The following RIC8B variants were observed in gnomAD, a reference collection of about 807,000 sequenced individuals.
RIC8B encodes the protein chaperone Ric-8B.
Under a neutral mutation model 57.5 loss-of-function variants are expected in RIC8B, and 16 were observed. That is an observed-to-expected ratio of 0.28 (90% CI 0.19 to 0.42). The LOEUF (loss-of-function observed/expected upper bound fraction) is 0.42, where lower values mean the gene tolerates loss of function less well. RIC8B is among the 10% of genes least tolerant of loss of function. The probability of loss-of-function intolerance (pLI) is 1.00; values close to 1 mark genes in which losing one functional copy is unlikely to be tolerated. For missense variants in RIC8B, 481 were observed against 677.0 expected, an observed-to-expected ratio of 0.71 and a Z score of 3.21; for synonymous variants, 216 against 250.8, an observed-to-expected ratio of 0.86 and a Z score of 1.31.
intron 9 of RIC8B, 141 bp downstream of exon 9, chr12:106,871,083 G>T: frequency 1.5e-6 from 1 of 673,752 alleles, no homozygotes; most frequent in Non-Finnish European, 2.3e-6. Context: ...CAGTAGTTCA[G>T]ATAGCTCTTG....
intron 3 of RIC8B, among the ~76,000 whole-genome samples, chr12:106,816,015 A>G (rs921079505): frequency 1.3e-5 from 2 of 152,222 alleles, no homozygotes; most frequent in Non-Finnish European, 2.9e-5. Context: ...AGTACCCACA[A>G]GAACAATATG....
chr12:106,807,069 A>G (rs1244699765), intron 2 of RIC8B, among the ~76,000 whole-genome samples: 1 of 152,162 alleles, frequency 6.6e-6, no homozygotes, highest in East Asian at 1.9e-4. Flanking sequence ...CACAAATAGT[A>G]AGTCCTGTCA....
chr12:106,860,385 C>G lies in RIC8B; in HGVS notation c.1424C>G (p.Thr475Ser). 6.3e-7 allele frequency: 1 copy of G among 1,582,404 alleles called. No homozygotes were observed. Among genetic ancestry groups the G allele is most frequent in the Non-Finnish European group, 8.6e-7 (1 of 1,165,976 alleles). ...NWYSEDEDTDTEEYKNAKPNI... is the reference protein window; with the variant it reads ...NWYSEDEDTDSEEYKNAKPNI... ...TACTCAGAGGATGAGGACACAGACA[C>G]TGAAGAATACAAAAATGCAAAACCA... The change falls in exon 8 of 10, where the codon ACT (threonine) becomes AGT (serine). Residue 475 changes from threonine (T) to serine (S), a missense_variant. Around this residue, in one of 3 missense-constraint regions of RIC8B, gnomAD observed 43 missense variants for 99.8 expected, o/e 0.43. Coordinates refer to ENST00000392837, the MANE Select transcript of RIC8B (RefSeq NM_001330145.2).
intron 2 of RIC8B, among the ~76,000 whole-genome samples, chr12:106,791,884 A>G (rs915842361): frequency 6.6e-6 from 1 of 152,264 alleles, no homozygotes; most frequent in Non-Finnish European, 1.5e-5. Context: ...ATGCTTTGGA[A>G]TAGCTTGAGG....
At chr12:106,839,596 G>A (rs2046774691) in intron 4 of RIC8B, among the ~76,000 whole-genome samples, 1 of 152,310 alleles carries the variant, frequency 6.6e-6, no homozygotes, top group South Asian at 2.1e-4. Context: ...TGCAAGATAA[G>A]GTCTGGAGAT....
chr12:106,836,487 C>T (rs1289300737), intron 4 of RIC8B, among the ~76,000 whole-genome samples: 2 of 152,180 alleles, frequency 1.3e-5, no homozygotes, highest in Non-Finnish European at 2.9e-5. Context: ...AAAGCTTCTT[C>T]TCTTGCAGTG....
intron 2 of RIC8B, among the ~76,000 whole-genome samples, chr12:106,807,155 G>A (rs1489743861): frequency 6.6e-6 from 1 of 152,178 alleles, no homozygotes; most frequent in African/African-American, 2.4e-5. Flanking sequence ...TTGAAACTAT[G>A]TTTGTTCCAG....
At chr12:106,841,627 T>C (rs1446448516) in intron 4 of RIC8B, among the ~76,000 whole-genome samples, 1 of 152,146 alleles carries the variant, frequency 6.6e-6, no homozygotes, top group Non-Finnish European at 1.5e-5. Flanking sequence ...AGTCAGGATG[T>C]GGTTATTTTT....
At chr12:106,795,056 G>T (rs1300277042) in intron 2 of RIC8B, among the ~76,000 whole-genome samples, 3 of 152,150 alleles carry the variant, frequency 2.0e-5, no homozygotes, top group African/African-American at 7.2e-5. Context: ...AATCCAGATG[G>T]TAACTAGGAT....
intron 9 of RIC8B, among the ~76,000 whole-genome samples, chr12:106,882,715 T>G (rs940246871): frequency 6.6e-6 from 1 of 152,154 alleles, no homozygotes; most frequent in African/African-American, 2.4e-5. Context: ...CAATGCATGA[T>G]TGTATGGCCA....
chr12:106,825,907 C>A (rs1168698580), intron 4 of RIC8B, 87 bp downstream of exon 4: 2 of 874,186 alleles, frequency 2.3e-6, no homozygotes, highest in Non-Finnish European at 3.8e-6. Flanking sequence ...GTTATAAGCA[C>A]AAGAAAGTGA....
intron 3 of RIC8B, chr12:106,822,115 GA>G (rs1227253675): frequency 9.3e-6 from 1 of 107,222 alleles, no homozygotes; most frequent in Non-Finnish European, 2.0e-5. Flanking sequence ...GAAAAAAAAA[GA>G]AAAGCAAAGG....
intron 4 of RIC8B, among the ~76,000 whole-genome samples, chr12:106,830,490 G>A (rs896859724): frequency 2.6e-5 from 4 of 152,082 alleles, no homozygotes; most frequent in Non-Finnish European, 5.9e-5. Flanking sequence ...TGATGAGTGC[G>A]GTATTAGACA....
At chr12:106,790,693 A>G (rs2044229595) in intron 2 of RIC8B, among the ~76,000 whole-genome samples, 2 of 152,362 alleles carry the variant, frequency 1.3e-5, no homozygotes, top group Admixed American at 6.5e-5. Flanking sequence ...AAGAGTACTA[A>G]TTGCAATAAG....
chr12:106,781,654 G>A (rs2043767363), intron 1 of RIC8B, among the ~76,000 whole-genome samples: 1 of 152,152 alleles, frequency 6.6e-6, no homozygotes, highest in Non-Finnish European at 1.5e-5. Context: ...TAATTCTACA[G>A]AGGAACTGTT....
At chr12:106,808,196 G>A (rs1230370207) in intron 2 of RIC8B, among the ~76,000 whole-genome samples, 2 of 152,018 alleles carry the variant, frequency 1.3e-5, no homozygotes, top group Non-Finnish European at 1.5e-5. Flanking sequence ...ATGTTGTATT[G>A]GGTATTATAA....
chr12:106,830,790 A>C (rs1242955685), intron 4 of RIC8B, among the ~76,000 whole-genome samples: 2 of 152,156 alleles, frequency 1.3e-5, no homozygotes, highest in Non-Finnish European at 2.9e-5. Flanking sequence ...CTGTCTTATC[A>C]TCTGCTTTAT....
chr12:106,844,966 AG>A (rs1019661207), intron 6 of RIC8B, among the ~76,000 whole-genome samples: 5 of 152,198 alleles, frequency 3.3e-5, no homozygotes, highest in Non-Finnish European at 7.3e-5. Flanking sequence ...TCTCTTATTT[AG>A]TACCCTCAAT....
rs1352190328 is a variant in RIC8B at position 106,819,510 on chromosome 12, G to A, written c.741+4206G>A. Among the ~76,000 whole-genome samples the A allele has an allele frequency of 3.9e-5, 6 of 152,212 alleles. No homozygotes were observed. The East Asian group carries it at 1.2e-3, about 29-fold the overall frequency. On this transcript the variant is annotated intron_variant, in intron 3 of 9. Coordinates refer to ENST00000392837, the MANE Select transcript of RIC8B (RefSeq NM_001330145.2). ...CTCACGCCTGTAATGCTAGCACTTT[G>A]GGAGGCTGAGGCAGGAGCATGGCTT...
Sources: allele counts gnomAD v4.1 joint callset (sites outside exome capture counted in the v4.1 genomes callset), GRCh38; gene constraint gnomAD v4.1.1; regional missense constraint gnomAD v4.1.1; transcripts MANE v1.5; gene names NCBI Gene and HGNC (gene_info 2026-07-23, HGNC 2026-07-21).